Variants in ADGRD1 observed in about 807,000 individuals in gnomAD.
ADGRD1 encodes the protein G-protein coupled receptor 133.
ADGRD1 carries 77 observed loss-of-function variants against 113.4 expected under a neutral mutation model. The observed-to-expected ratio is 0.68, with a 90% CI of 0.57 to 0.82. ADGRD1 has a LOEUF of 0.82. Ranked by LOEUF, ADGRD1 falls within the 40% of genes least tolerant of loss-of-function variation. The probability of loss-of-function intolerance (pLI) is 0.00; values close to 1 mark genes in which losing one functional copy is unlikely to be tolerated. For synonymous variants in ADGRD1, 474 were observed against 475.0 expected (o/e 1.00, Z 0.03); for missense variants, 1,036 against 1,139.1 (o/e 0.91, Z 1.30).
In ADGRD1 at chr12:131,087,857, T is replaced by C. The variant is rs138131282; in HGVS notation, c.1671+3194T>C. On this transcript the variant is annotated intron_variant, in intron 15 of 24. Transcript: ENST00000261654. ...TCATTGGCGGCAATTTAAAGAAAAT[T>C]AAACAGAGTAAATGAAACCACACCA... 2.6e-3 allele frequency among the ~76,000 whole-genome samples: 396 copies of C among 152,316 alleles called. 5 individuals carry two copies. Among genetic ancestry groups the C allele is most frequent in the African/African-American group, 7.9e-3 (328 of 41,566 alleles).
chr12:131,059,819 A>G (rs1323792638), intron 13 of ADGRD1, among the ~76,000 whole-genome samples: 1 of 152,174 alleles, frequency 6.6e-6, no homozygotes, highest in Non-Finnish European at 1.5e-5. Flanking sequence ...CATTTTTATG[A>G]TGGCTGTTTT....
At chr12:130,963,658 T>C (rs917689316) in intron 2 of ADGRD1, among the ~76,000 whole-genome samples, 3 of 152,236 alleles carry the variant, frequency 2.0e-5, no homozygotes, top group Admixed American at 2.0e-4. Flanking sequence ...GTCCAGAGTG[T>C]AGATGTGCCA....
At chr12:130,994,554 A>T (rs1874969027) in intron 8 of ADGRD1, among the ~76,000 whole-genome samples, 1 of 152,222 alleles carries the variant, frequency 6.6e-6, no homozygotes, top group South Asian at 2.1e-4. Flanking sequence ...ATCCTCAGGA[A>T]TGTGCAGCAG....
At chr12:131,001,158 A>T (rs1479633737) in intron 9 of ADGRD1, among the ~76,000 whole-genome samples, 8 of 152,198 alleles carry the variant, frequency 5.3e-5, no homozygotes, top group Non-Finnish European at 7.4e-5. Flanking sequence ...CACTGGATTT[A>T]GTAAGAAAAA....
At chr12:131,107,531 G>A (rs796563395) in intron 17 of ADGRD1, among the ~76,000 whole-genome samples, 14 of 150,870 alleles carry the variant, frequency 9.3e-5, no homozygotes, top group African/African-American at 3.5e-4. Context: ...GATGGGTCCC[G>A]CTCTCCCAGA....
In ADGRD1 at chr12:131,136,031, C is replaced by T; in HGVS notation, c.2268-6C>T. The T allele has an allele frequency of 6.2e-7, 1 of 1,614,074 alleles. No homozygotes were observed. The highest frequency in any genetic ancestry group is 2.2e-5 in the East Asian group (1 of 44,864). On this transcript the variant is annotated splice_polypyrimidine_tract_variant and splice_region_variant and intron_variant, in intron 21 of 24. Coordinates refer to ENST00000261654, the MANE Select transcript of ADGRD1 (RefSeq NM_198827.5). The stretch of plus-strand genomic sequence containing the variant: ...ACTCAGGGTGACTGTCACTGTTTCT[C>T]TCCAGGTTGACAGCCAAGGCAGTGG...
intron 15 of ADGRD1, among the ~76,000 whole-genome samples, chr12:131,091,239 C>T (rs979114799): frequency 6.6e-6 from 1 of 152,178 alleles, no homozygotes; most frequent in South Asian, 2.1e-4. Flanking sequence ...CCTGTAACTT[C>T]TCAGTACACC....
chr12:131,002,944 A>T, intron 9 of ADGRD1: 1 of 755,136 alleles, frequency 1.3e-6, no homozygotes, highest in South Asian at 1.7e-5. Flanking sequence ...GTAGAAATGC[A>T]GGAGCCGGCG....
intron 18 of ADGRD1, among the ~76,000 whole-genome samples, chr12:131,114,164 C>G (rs563042552): frequency 6.6e-6 from 1 of 152,250 alleles, no homozygotes; most frequent in South Asian, 2.1e-4. Flanking sequence ...GACAGAGAAT[C>G]TAAGCCAAAC....
chr12:131,038,440 C>T (rs1207651540), intron 13 of ADGRD1, among the ~76,000 whole-genome samples: 1 of 152,258 alleles, frequency 6.6e-6, no homozygotes, highest in East Asian at 1.9e-4. Context: ...CGACACTCCT[C>T]CCACAAGGGA....
chr12:131,088,473 A>G lies in ADGRD1; in HGVS notation c.1671+3810A>G, dbSNP rs971620259. 2.0e-5 allele frequency among the ~76,000 whole-genome samples: 3 copies of G among 152,350 alleles called. No individual in the cohort carries two copies. The East Asian group carries it at 5.8e-4, about 29-fold the overall frequency. On this transcript the variant is annotated intron_variant, in intron 15 of 24. Transcript: ENST00000261654. ...GGAGCTGTTTGAAAGACGGAAGCCC[A>G]GGAGGGCCTGCCTGAGAAGGTGGCG...
intron 20 of ADGRD1, among the ~76,000 whole-genome samples, chr12:131,127,029 C>A (rs1176752769): frequency 1.6e-5 from 2 of 127,216 alleles, no homozygotes; most frequent in African/African-American, 5.9e-5. Flanking sequence ...GTGAGCCGCT[C>A]CTCCTCTTAG....
intron 15 of ADGRD1, among the ~76,000 whole-genome samples, chr12:131,102,616 C>T (rs1404414005): frequency 6.6e-6 from 1 of 152,168 alleles, no homozygotes; most frequent in Admixed American, 6.5e-5. Flanking sequence ...ACCAAAGTCT[C>T]CACCTTGAGT....
intron 2 of ADGRD1, among the ~76,000 whole-genome samples, chr12:130,958,988 A>G (rs765686167): frequency 6.8e-4 from 104 of 152,338 alleles, no homozygotes; most frequent in Middle Eastern, 3.4e-3. Flanking sequence ...ATTAAGCCCA[A>G]GAAGCTCACA....
intron 9 of ADGRD1, chr12:131,002,784 C>A: frequency 1.6e-6 from 2 of 1,243,844 alleles, no homozygotes; most frequent in Non-Finnish European, 1.0e-6. Context: ...GCTGGTGTCC[C>A]CATCCCAGAG....
At chr12:131,082,275 C>T (rs1886131306) in intron 14 of ADGRD1, among the ~76,000 whole-genome samples, 1 of 152,124 alleles carries the variant, frequency 6.6e-6, no homozygotes, top group South Asian at 2.1e-4. Flanking sequence ...ATGCAGACTT[C>T]CTGGGTCATA....
chr12:131,072,854 G>C (rs1885292977), intron 13 of ADGRD1, among the ~76,000 whole-genome samples: 1 of 152,192 alleles, frequency 6.6e-6, no homozygotes, highest in African/African-American at 2.4e-5. Context: ...TGTCCTAAGG[G>C]TCTGAGCAGC....
intron 20 of ADGRD1, chr12:131,121,804 CTCCCCG>C (rs1178718684): frequency 1.3e-5 from 2 of 152,386 alleles, no homozygotes; most frequent in African/African-American, 2.4e-5. Context: ...TCTTCTCTGC[CTCCCCG>C]GATGGAAACG....
intron 13 of ADGRD1, among the ~76,000 whole-genome samples, chr12:131,035,770 A>T (rs574779587): frequency 1.3e-5 from 2 of 152,370 alleles, no homozygotes; most frequent in African/African-American, 4.8e-5. Context: ...GAGCCAAATC[A>T]AAAGGAGAAA....
Sources: gnomAD v4.1 joint callset for allele counts (sites outside exome capture counted in the v4.1 genomes callset) on GRCh38, gnomAD v4.1.1 for gene constraint, MANE v1.5 for transcripts, NCBI Gene and HGNC (gene_info 2026-07-23, HGNC 2026-07-21) for gene names.